Variants in TBC1D5 observed in about 807,000 individuals in gnomAD.
TBC1D5 encodes TBC1 domain family member 5.
In TBC1D5, 75 loss-of-function variants were observed where a neutral mutation model predicts 100.3. The observed-to-expected ratio is 0.75, with a 90% confidence interval of 0.62 to 0.91. The LOEUF (loss-of-function observed/expected upper bound fraction) is 0.91. Among genes scored for constraint, TBC1D5 ranks in the 40% least tolerant of loss-of-function variants. The pLI is 0.00. For synonymous variants in TBC1D5, 323 were observed against 325.6 expected, an observed-to-expected ratio of 0.99 and a Z score of 0.09; for missense variants, 910 against 942.4, an observed-to-expected ratio of 0.97 and a Z score of 0.45.
At chr3:17,583,149 G>A (rs2096710528) in intron 2 of TBC1D5, among the ~76,000 whole-genome samples, 1 of 151,900 alleles carries the variant, frequency 6.6e-6, no homozygotes, top group Non-Finnish European at 1.5e-5. Context: ...GCCAGGTATG[G>A]TGGCTCACGC....
At chr3:17,475,779 G>C (rs1019483439) in intron 3 of TBC1D5, among the ~76,000 whole-genome samples, 1 of 152,064 alleles carries the variant, frequency 6.6e-6, no homozygotes, top group Non-Finnish European at 1.5e-5. Context: ...ATGCAGATAT[G>C]CAATAGTTTC....
intron 1 of TBC1D5, chr3:17,739,318 A>G (rs561445582): frequency 6.6e-6 from 1 of 152,338 alleles, no homozygotes; most frequent in Non-Finnish European, 1.5e-5. Flanking sequence ...TCATTTTTAA[A>G]TGAAACATAA....
chr3:17,484,665 A>G (rs867664411), intron 3 of TBC1D5, among the ~76,000 whole-genome samples: 1 of 151,998 alleles, frequency 6.6e-6, no homozygotes, highest in Non-Finnish European at 1.5e-5. Context: ...TAAATTTTTC[A>G]TAGAGATAGG....
intron 1 of TBC1D5, among the ~76,000 whole-genome samples, chr3:17,634,705 T>C (rs987674033): frequency 2.6e-5 from 4 of 151,394 alleles, no homozygotes; most frequent in African/African-American, 4.8e-5. Flanking sequence ...AATAATTTAA[T>C]TGTACTTTTA....
intron 1 of TBC1D5, among the ~76,000 whole-genome samples, chr3:17,732,308 A>T (rs1384751164): frequency 2.7e-5 from 4 of 148,452 alleles, no homozygotes; most frequent in Admixed American, 6.7e-5. Context: ...ACAGAGCGAG[A>T]CTCCATCTCA....
chr3:17,269,669 T>C (rs1348838352), intron 15 of TBC1D5, among the ~76,000 whole-genome samples: 2 of 142,778 alleles, frequency 1.4e-5, no homozygotes, highest in Non-Finnish European at 3.1e-5. Context: ...TTCTGGAGTC[T>C]CTAGTGTCTC....
chr3:17,721,638 C>T (rs1287630718), intron 1 of TBC1D5, among the ~76,000 whole-genome samples: 1 of 152,048 alleles, frequency 6.6e-6, no homozygotes, highest in Non-Finnish European at 1.5e-5. Context: ...TGCCACTACA[C>T]TCTAGCCTGG....
At chr3:17,627,660 GTT>G (rs796752243) in intron 1 of TBC1D5, among the ~76,000 whole-genome samples, 1 of 145,530 alleles carries the variant, frequency 6.9e-6, no homozygotes, top group African/African-American at 2.5e-5. Flanking sequence ...AATATTCTGG[GTT>G]TTTTTTTTTG....
chr3:17,741,779 C>T (rs1055267835), upstream of TBC1D5, among the ~76,000 whole-genome samples: 4 of 116,370 alleles, frequency 3.4e-5, no homozygotes, highest in Middle Eastern at 4.6e-3. Flanking sequence ...GGGTGGGGAG[C>T]GGGATTTGCC....
chr3:17,313,470 T>C (rs2084287460), intron 13 of TBC1D5, among the ~76,000 whole-genome samples: 1 of 152,176 alleles, frequency 6.6e-6, no homozygotes, highest in African/African-American at 2.4e-5. Context: ...GAAATTATGA[T>C]CAAATAAATT....
rs187884546 is a variant in TBC1D5, at chr3:17,207,248, C to A, written c.1752+6959G>T. On this transcript the variant is annotated intron_variant, in intron 18 of 21. Coordinates refer to ENST00000253692, the Ensembl canonical transcript of TBC1D5. ...GGCAACAATCATAGAACATGACTAACAGTGCTAAAAAAAGTAAAAATTTAT... is the reference window on the plus strand; with the variant it reads ...GGCAACAATCATAGAACATGACTAAAAGTGCTAAAAAAAGTAAAAATTTAT... 3.9e-5 allele frequency among the ~76,000 whole-genome samples: 6 copies of A among 152,064 alleles called. 1 individual carries two copies. Among genetic ancestry groups the A allele is most frequent in the Admixed American group, 1.3e-4 (2 of 15,278 alleles).
Position 17,639,060 on chromosome 3 carries a change from G to A in TBC1D5, c.-100-15147C>T, listed in dbSNP as rs9833234. Among the ~76,000 whole-genome samples the A allele has an allele frequency of 1.1e-3, 168 of 152,174 alleles. 1 individual carries two copies. The highest frequency in any genetic ancestry group is 3.8e-3 in the African/African-American group (159 of 41,534). On this transcript the variant is annotated intron_variant, in intron 1 of 21. Coordinates refer to ENST00000253692, the Ensembl canonical transcript of TBC1D5. ...AAGAAATATTCACACAAAGACTTGA[G>A]CACAAATATTCTTAGCAGATTTATT...
intron 1 of TBC1D5, among the ~76,000 whole-genome samples, chr3:17,693,445 C>T (rs916665624): frequency 3.9e-5 from 6 of 152,248 alleles, no homozygotes; most frequent in Admixed American, 6.5e-5. Flanking sequence ...GTGCCTGGCT[C>T]GGTGGTTCCC....
chr3:17,504,464 TA>T (rs939190207), intron 3 of TBC1D5, among the ~76,000 whole-genome samples: 5 of 151,368 alleles, frequency 3.3e-5, no homozygotes, highest in Admixed American at 1.3e-4. Context: ...AAATAAAAAT[TA>T]AAAAAAAGGA....
At chr3:17,320,665 A>G (rs1458227247) in intron 13 of TBC1D5, among the ~76,000 whole-genome samples, 1 of 152,188 alleles carries the variant, frequency 6.6e-6, no homozygotes, top group Non-Finnish European at 1.5e-5. Context: ...AGTTTTATTT[A>G]TATTATTGAT....
intron 15 of TBC1D5, among the ~76,000 whole-genome samples, chr3:17,286,687 T>G (rs532690378): frequency 6.6e-6 from 1 of 152,334 alleles, no homozygotes; most frequent in South Asian, 2.1e-4. Context: ...CTGGGCCACT[T>G]ACATATATGG....
intron 2 of TBC1D5, among the ~76,000 whole-genome samples, chr3:17,525,991 A>C (rs1416276390): frequency 6.6e-6 from 1 of 152,074 alleles, no homozygotes; most frequent in African/African-American, 2.4e-5. Context: ...ATGCTTCCTA[A>C]CTTCTTTTCA....
intron 18 of TBC1D5, among the ~76,000 whole-genome samples, chr3:17,188,881 C>G (rs2069499375): frequency 6.6e-6 from 1 of 152,198 alleles, no homozygotes; most frequent in Non-Finnish European, 1.5e-5. Flanking sequence ...ATGAAACCAA[C>G]CAGCTAGTGT....
intron 16 of TBC1D5, among the ~76,000 whole-genome samples, chr3:17,255,584 T>G (rs1466779930): frequency 1.3e-5 from 2 of 152,136 alleles, no homozygotes; most frequent in Non-Finnish European, 2.9e-5. Flanking sequence ...CTACAAATAT[T>G]TTCCTAATTT....
Sources: allele counts gnomAD v4.1 joint callset (sites outside exome capture counted in the v4.1 genomes callset), GRCh38; gene constraint gnomAD v4.1.1; transcripts MANE v1.5; gene names NCBI Gene and HGNC (gene_info 2026-07-23, HGNC 2026-07-21).